Variants in ZFPM2 observed in about 807,000 individuals in gnomAD.
The protein encoded by ZFPM2 is zinc finger protein ZFPM2.
In ZFPM2, 20 loss-of-function variants were observed where a neutral mutation model predicts 98.6. The observed-to-expected ratio is 0.20, with a 90% confidence interval of 0.14 to 0.29. The LOEUF (loss-of-function observed/expected upper bound fraction) is 0.29. Ranked by LOEUF, ZFPM2 falls within the 10% of genes least tolerant of loss-of-function variation. ZFPM2 has a pLI of 1.00. For synonymous variants in ZFPM2, 518 were observed against 502.7 expected, an observed-to-expected ratio of 1.03 and a Z score of -0.41; for missense variants, 1,310 against 1,388.6, an observed-to-expected ratio of 0.94 and a Z score of 0.90.
At chr8:105,712,711 C>A (rs1811433056) in intron 5 of ZFPM2, among the ~76,000 whole-genome samples, 1 of 152,088 alleles carries the variant, frequency 6.6e-6, no homozygotes, top group African/African-American at 2.4e-5. Context: ...CCTTTCCCTG[C>A]ACTCTCCTTT....
Position 105,592,011 on chromosome 8 carries a change from G to T in ZFPM2, c.420+30530G>T, listed in dbSNP as rs560444090. ...GTTCTCAAAACACAAGCAGCTTAGG[G>T]TTAATATTTCATCAGATCACTATTA... On this transcript the variant is annotated intron_variant, in intron 4 of 7. Coordinates refer to ENST00000407775, the MANE Select transcript of ZFPM2 (RefSeq NM_012082.4). Among the ~76,000 whole-genome samples, 9 of 152,218 alleles carry T rather than the reference G, an allele frequency of 5.9e-5. No individual in the cohort carries two copies. In the South Asian group the frequency reaches 1.9e-3, roughly 32 times the overall value.
chr8:105,440,419 T>A (rs1228507681), intron 2 of ZFPM2, among the ~76,000 whole-genome samples: 3 of 152,114 alleles, frequency 2.0e-5, no homozygotes, highest in Non-Finnish European at 4.4e-5. Flanking sequence ...TTAAATAAAG[T>A]AGCACCCAAA....
chr8:105,493,341 G>C (rs1456345934), intron 3 of ZFPM2, among the ~76,000 whole-genome samples: 1 of 152,192 alleles, frequency 6.6e-6, no homozygotes, highest in Non-Finnish European at 1.5e-5. Context: ...GATATGGAAA[G>C]CATCAGAATC....
chr8:105,433,447 T>C (rs937677842), intron 2 of ZFPM2, among the ~76,000 whole-genome samples: 1 of 152,210 alleles, frequency 6.6e-6, no homozygotes, highest in African/African-American at 2.4e-5. Context: ...ATTTTCTCCT[T>C]ACTAGCTATG....
intron 5 of ZFPM2, among the ~76,000 whole-genome samples, chr8:105,664,088 C>T (rs1009123109): frequency 6.6e-6 from 1 of 152,066 alleles, no homozygotes; most frequent in African/African-American, 2.4e-5. Flanking sequence ...GTGGATATTC[C>T]TTTATGATTG....
At chr8:105,704,025 C>A (rs1290331575) in intron 5 of ZFPM2, among the ~76,000 whole-genome samples, 1 of 152,124 alleles carries the variant, frequency 6.6e-6, no homozygotes, top group Non-Finnish European at 1.5e-5. Flanking sequence ...GTTCTCTCTC[C>A]TTTAGCACCA....
rs1462975198 is a variant in ZFPM2 at position 105,380,634 on chromosome 8, T to TTA, written c.41-38500_41-38499dup. Among the ~76,000 whole-genome samples, 13 of 16,016 alleles carry TTA rather than the reference T, an allele frequency of 8.1e-4. 1 individual carries two copies. The highest frequency in any genetic ancestry group is 1.4e-3 in the Non-Finnish European group (12 of 8,868). The allele number at this position is 16,016 out of a possible 152,430, so 10.5% of individuals were successfully genotyped here. On this transcript the variant is annotated intron_variant, in intron 1 of 7. Transcript: ENST00000407775. Reference sequence around the variant, plus strand: ...ATATATATTATATATAACATATATATTATATATATATTATATATATATATT... The same window carrying TTA: ...ATATATATTATATATAACATATATATTATATATATATATTATATATATATATT...
chr8:105,555,553 A>G (rs1814967998), intron 3 of ZFPM2, among the ~76,000 whole-genome samples: 1 of 152,168 alleles, frequency 6.6e-6, no homozygotes, highest in Non-Finnish European at 1.5e-5. Flanking sequence ...TATTTTTCAA[A>G]TATCATGTGT....
At chr8:105,331,008 A>C (rs2129635634) in intron 1 of ZFPM2, among the ~76,000 whole-genome samples, 1 of 151,130 alleles carries the variant, frequency 6.6e-6, no homozygotes, top group South Asian at 2.1e-4. Flanking sequence ...AAGGTTAATA[A>C]CCTGTTTTTT....
At chr8:105,576,321 A>G (rs1815467051) in intron 4 of ZFPM2, among the ~76,000 whole-genome samples, 1 of 152,122 alleles carries the variant, frequency 6.6e-6, no homozygotes, top group South Asian at 2.1e-4. Context: ...TGTCTTATGA[A>G]TAAACATAGA....
intron 5 of ZFPM2, among the ~76,000 whole-genome samples, chr8:105,661,452 T>G (rs1409416280): frequency 1.3e-5 from 2 of 152,208 alleles, no homozygotes; most frequent in African/African-American, 4.8e-5. Flanking sequence ...TGTATGTTTT[T>G]CTAATATGTA....
chr8:105,483,061 A>T (rs766792548), intron 3 of ZFPM2, among the ~76,000 whole-genome samples: 1 of 96,816 alleles, frequency 1.0e-5, no homozygotes, highest in African/African-American at 4.2e-5. Flanking sequence ...GGATCTTGCT[A>T]TGTTGCCCAG....
chr8:105,795,768 T>C (rs773755547), intron 6 of ZFPM2: 1 of 482,028 alleles, frequency 2.1e-6, no homozygotes, highest in South Asian at 1.5e-5. Context: ...TGACACTTCA[T>C]ATGACACAAA....
rs200049316 is a variant in ZFPM2, at chr8:105,803,160, G to A, written c.3078G>A (p.Ala1026=). ...KGQASSNGCA[A]LKKDSLPLLP... is the part of the protein sequence containing the mutation. Reference sequence around the variant, plus strand: ...AGGCTTCCTCAAATGGGTGTGCTGCGCTGAAGAAAGATTCTCTGCCATTGT... The same window carrying A: ...AGGCTTCCTCAAATGGGTGTGCTGCACTGAAGAAAGATTCTCTGCCATTGT... The change falls in exon 8 of 8, where the codon GCG becomes GCA. Residue 1026 remains alanine (A), a synonymous_variant. Transcript: ENST00000407775. 237 of 1,613,882 alleles carry A rather than the reference G, an allele frequency of 1.5e-4. No individual in the cohort carries two copies. The East Asian group carries it at 3.5e-3, about 24-fold the overall frequency.
intron 1 of ZFPM2, among the ~76,000 whole-genome samples, chr8:105,392,983 A>G (rs76229764): frequency 0.015 from 2,353 of 152,256 alleles, 56 homozygotes; most frequent in African/African-American, 0.054. Context: ...ATGTGGTTCA[A>G]AGGCATGGAA....
chr8:105,648,965 G>A (rs1269541533), intron 5 of ZFPM2, among the ~76,000 whole-genome samples: 30 of 152,134 alleles, frequency 2.0e-4, no homozygotes, highest in Admixed American at 2.0e-3. Flanking sequence ...AAATTACCTT[G>A]GGTAGTATGG....
Position 105,623,664 on chromosome 8 carries a change from G to T in ZFPM2, c.421-10582G>T, listed in dbSNP as rs571835537. On this transcript the variant is annotated intron_variant, in intron 4 of 7. Transcript: ENST00000407775. ...CATCTTAGCGTCTGAAGATGACTTTGTGCAGGGTAGTGTTTTCTCTCTTCC... is the reference window on the plus strand; with the variant it reads ...CATCTTAGCGTCTGAAGATGACTTTTTGCAGGGTAGTGTTTTCTCTCTTCC... Among the ~76,000 whole-genome samples the T allele has an allele frequency of 1.2e-4, 18 of 152,232 alleles. No individual in the cohort carries two copies. The South Asian group carries it at 2.1e-3, about 18-fold the overall frequency.
intron 6 of ZFPM2, among the ~76,000 whole-genome samples, chr8:105,793,271 G>A (rs1470346097): frequency 6.6e-6 from 1 of 151,814 alleles, no homozygotes; most frequent in Non-Finnish European, 1.5e-5. Context: ...GCTGTTTTAG[G>A]GCAGGCCTGG....
intron 2 of ZFPM2, among the ~76,000 whole-genome samples, chr8:105,437,126 T>C (rs573181747): frequency 6.6e-6 from 1 of 152,270 alleles, no homozygotes; most frequent in South Asian, 2.1e-4. Flanking sequence ...TCTCCAAATT[T>C]TTTTATTAAT....
Sources: gnomAD v4.1 joint callset for allele counts (sites outside exome capture counted in the v4.1 genomes callset) on GRCh38, gnomAD v4.1.1 for gene constraint, MANE v1.5 for transcripts, NCBI Gene and HGNC (gene_info 2026-07-23, HGNC 2026-07-21) for gene names.